Variants in TMLHE observed in about 807,000 individuals in gnomAD.
TMLHE encodes trimethyllysine dioxygenase, mitochondrial.
In TMLHE, 18 loss-of-function variants were observed where a neutral mutation model predicts 25.7. That is an observed-to-expected ratio of 0.70 (90% CI 0.48 to 1.04). TMLHE has a LOEUF of 1.04. Ranked by LOEUF, TMLHE falls within the 50% of genes least tolerant of loss-of-function variation. The probability of loss-of-function intolerance (pLI) is 0.00; values close to 1 mark genes in which losing one functional copy is unlikely to be tolerated. For synonymous variants in TMLHE, 105 were observed against 97.0 expected, an observed-to-expected ratio of 1.08 and a Z score of -0.49; for missense variants, 236 against 259.0, an observed-to-expected ratio of 0.91 and a Z score of 0.61.
At chrX:155,557,310 C>G (rs1472572854) in intron 1 of TMLHE, among the ~76,000 whole-genome samples, 1 of 112,048 alleles carries the variant, frequency 8.9e-6, no homozygotes, top group Admixed American at 9.5e-5. Context: ...ATTTGGGGAA[C>G]TAATAAATGT....
chrX:155,533,354 T>G (rs782569371), intron 2 of TMLHE, among the ~76,000 whole-genome samples: 2 of 97,275 alleles, frequency 2.1e-5, no homozygotes, highest in Non-Finnish European at 4.2e-5. Flanking sequence ...CACACACACA[T>G]ACACATGCAC....
chrX:155,586,456 T>C (rs1212510994), intron 1 of TMLHE, among the ~76,000 whole-genome samples: 1 of 110,626 alleles, frequency 9.0e-6, no homozygotes, highest in Non-Finnish European at 1.9e-5. Context: ...AACAACGCAC[T>C]TGAAGGAACT....
At chrX:155,538,205 ATGAG>A (rs2067291039) in intron 2 of TMLHE, among the ~76,000 whole-genome samples, 1 of 111,504 alleles carries the variant, frequency 9.0e-6, no homozygotes. Context: ...GATTCCACGT[ATGAG>A]TGAGATAATG....
chrX:155,550,837 G>A (rs1292172751), intron 1 of TMLHE, among the ~76,000 whole-genome samples: 2 of 110,567 alleles, frequency 1.8e-5, no homozygotes, highest in Non-Finnish European at 3.8e-5. Context: ...TTGGTTATTT[G>A]GTTACTATGT....
intron 1 of TMLHE, among the ~76,000 whole-genome samples, chrX:155,603,347 A>AAGAAG (rs1281832148): frequency 3.3e-5 from 3 of 91,982 alleles, no homozygotes; most frequent in Admixed American, 1.4e-4. Context: ...AAAGAAAAGA[A>AAGAAG]AGAAGAAAAG....
intron 1 of TMLHE, among the ~76,000 whole-genome samples, chrX:155,545,576 G>A (rs1363196993): frequency 8.9e-6 from 1 of 112,063 alleles, no homozygotes; most frequent in Non-Finnish European, 1.9e-5. Context: ...ACAGTCATCT[G>A]CATAATGACA....
chrX:155,609,252 T>C (rs1455270331), intron 1 of TMLHE, among the ~76,000 whole-genome samples: 3 of 110,885 alleles, frequency 2.7e-5, no homozygotes, highest in African/African-American at 9.9e-5. Context: ...ATGGATGGAG[T>C]TGGAGGCCAT....
rs150409980 is a variant in TMLHE, at chrX:155,564,724, A to G, written c.-1-19447T>C. ...GGCATCACAATGACTAAATTCAACA[A>G]TGCCACAACAGTATGAGCCAAAAAC... On this transcript the variant is annotated intron_variant, in intron 1 of 7. Transcript: ENST00000334398. Among the ~76,000 whole-genome samples the G allele has an allele frequency of 8.7e-3, 539 of 61,647 alleles. 54 individuals are homozygous for G. The highest frequency in any genetic ancestry group is 0.019 in the African/African-American group (524 of 27,819). The allele number at this position is 61,647 out of a possible 115,157, so 53.5% of individuals were successfully genotyped here.
chrX:155,549,586 T>C (rs2067398082), intron 1 of TMLHE, among the ~76,000 whole-genome samples: 1 of 110,745 alleles, frequency 9.0e-6, no homozygotes, highest in South Asian at 3.8e-4. Flanking sequence ...TTGATTATGA[T>C]ATATTATCCT....
At chrX:155,543,855 T>A (rs1557338428) in intron 2 of TMLHE, among the ~76,000 whole-genome samples, 1 of 112,038 alleles carries the variant, frequency 8.9e-6, no homozygotes, top group African/African-American at 3.2e-5. Context: ...TTACCATGAA[T>A]ATTTATATTA....
chrX:155,507,368 A>G lies in TMLHE; in HGVS notation c.759-234T>C, dbSNP rs782584330. 2.9e-4 allele frequency among the ~76,000 whole-genome samples: 32 copies of G among 109,778 alleles called. 1 individual carries two copies. The South Asian group carries it at 0.011, about 37-fold the overall frequency. ...ACATATCTAACATATATTGAAGCTT[A>G]TATGTGCTGGGCCCTGGGAATACAG... On this transcript the variant is annotated intron_variant, in intron 5 of 7. Coordinates refer to ENST00000334398, the MANE Select transcript of TMLHE (RefSeq NM_018196.4).
At chrX:155,597,238 T>A (rs1479797582) in intron 1 of TMLHE, among the ~76,000 whole-genome samples, 2 of 110,033 alleles carry the variant, frequency 1.8e-5, no homozygotes, top group Non-Finnish European at 3.8e-5. Flanking sequence ...ATAGTACACA[T>A]GAAAAAATGC....
Position 155,549,279 on chromosome X carries a change from ACCTT to A in TMLHE, c.-1-4006_-1-4003del, listed in dbSNP as rs1557339618. On this transcript the variant is annotated intron_variant, in intron 1 of 7. Coordinates refer to ENST00000334398, the MANE Select transcript of TMLHE (RefSeq NM_018196.4). ...TAGTTAGGAGGAGTAAGCATGGACA[ACCTT>A]GCCTTGTTCCTGATCTTAGGGGAAA... 2.7e-5 allele frequency among the ~76,000 whole-genome samples: 3 copies of A among 110,376 alleles called. 1 individual carries two copies. The highest frequency in any genetic ancestry group is 5.7e-5 in the Non-Finnish European group (3 of 52,910).
intron 1 of TMLHE, among the ~76,000 whole-genome samples, chrX:155,554,606 G>A (rs2079800040): frequency 9.1e-6 from 1 of 109,296 alleles, no homozygotes; most frequent in African/African-American, 3.4e-5. Context: ...CTAGATGAGG[G>A]TTTTTTATTT....
At chrX:155,604,650 G>C (rs782616823) in intron 1 of TMLHE, among the ~76,000 whole-genome samples, 1 of 111,351 alleles carries the variant, frequency 9.0e-6, no homozygotes, top group South Asian at 3.8e-4. Flanking sequence ...ACTCAAGTGG[G>C]AGAGGAGCCC....
At chrX:155,574,864 G>C (rs1454088486) in intron 1 of TMLHE, among the ~76,000 whole-genome samples, 1 of 111,610 alleles carries the variant, frequency 9.0e-6, no homozygotes. Context: ...ACAGAAGAAG[G>C]AATCAACAAG....
intron 2 of TMLHE, among the ~76,000 whole-genome samples, chrX:155,527,239 C>T (rs1279997370): frequency 1.8e-5 from 2 of 111,362 alleles, no homozygotes; most frequent in African/African-American, 6.5e-5. Context: ...GGGGCAAATT[C>T]CCCCCTTGCT....
In TMLHE at chrX:155,570,454, G is replaced by A. The variant is rs1403173474; in HGVS notation, c.-1-25177C>T. Among the ~76,000 whole-genome samples, 7 of 54,888 alleles carry A rather than the reference G, an allele frequency of 1.3e-4. 1 individual carries two copies. The highest frequency in any genetic ancestry group is 3.1e-4 in the African/African-American group (7 of 22,761). 47.7% of individuals were successfully genotyped at this position (54,888 alleles called of 115,157 possible). A position where few individuals can be genotyped will look rare whatever the true frequency, so the allele number is the denominator to read the frequency against. On this transcript the variant is annotated intron_variant, in intron 1 of 7. Transcript: ENST00000334398. Reference sequence around the variant, plus strand: ...GACAGAAAGTTAACAAGGATACCCAGGAATTGAACTCAGCTCTGCACCAAG... The same window carrying A: ...GACAGAAAGTTAACAAGGATACCCAAGAATTGAACTCAGCTCTGCACCAAG...
Position 155,572,216 on chromosome X carries a change from A to G in TMLHE, c.-1-26939T>C, listed in dbSNP as rs2067559068. On this transcript the variant is annotated intron_variant, in intron 1 of 7. Transcript: ENST00000334398. ...ACAGACAAACTGAGAGCCAAATCAT[A>G]AGTGAACTCCCATTCACAATTGCTT... Among the ~76,000 whole-genome samples, 5 of 56,698 alleles carry G rather than the reference A, an allele frequency of 8.8e-5. 1 individual carries two copies. In the Admixed American group the frequency reaches 1.0e-3, roughly 12 times the overall value. The allele number at this position is 56,698 out of a possible 115,157, so 49.2% of individuals were successfully genotyped here.
Sources: allele counts gnomAD v4.1 joint callset (sites outside exome capture counted in the v4.1 genomes callset), GRCh38; gene constraint gnomAD v4.1.1; transcripts MANE v1.5; gene names NCBI Gene and HGNC (gene_info 2026-07-23, HGNC 2026-07-21).